Variants in PRKN observed in about 807,000 individuals in gnomAD.
PRKN encodes E3 ubiquitin-protein ligase parkin.
In PRKN, 56 loss-of-function variants were observed where a neutral mutation model predicts 59.5. The observed-to-expected ratio is 0.94, with a 90% CI of 0.76 to 1.18. The LOEUF (loss-of-function observed/expected upper bound fraction) is 1.18. Ranked by LOEUF, PRKN falls within the 50% of genes most tolerant of loss-of-function variation. The pLI is 0.00. For synonymous variants in PRKN, 250 were observed against 222.1 expected, an observed-to-expected ratio of 1.13 and a Z score of -1.12; for missense variants, 657 against 596.4, an observed-to-expected ratio of 1.10 and a Z score of -1.06.
chr6:162,568,365 C>T (rs941360730), intron 1 of PRKN: 4 of 410,170 alleles, frequency 9.8e-6, no homozygotes, highest in Admixed American at 7.0e-5. Context: ...CTTGCCTCTA[C>T]TCCTGCCTCC....
intron 9 of PRKN, among the ~76,000 whole-genome samples, chr6:161,508,007 T>C (rs7769885): frequency 0.081 from 12,317 of 152,250 alleles, 728 homozygotes; most frequent in African/African-American, 0.16. Context: ...TTTTTGGTAG[T>C]GAAGTTTCTG....
chr6:161,545,135 C>T lies in PRKN; in HGVS notation c.1083+3719G>A, dbSNP rs541596734. 31 of 1,278,658 alleles carry T rather than the reference C, an allele frequency of 2.4e-5. No individual in the cohort carries two copies. The Admixed American group carries it at 3.1e-4, about 13-fold the overall frequency. 79.2% of individuals were successfully genotyped at this position (1,278,658 alleles called of 1,614,324 possible). The stretch of plus-strand genomic sequence containing the variant: ...GAATTTGGTTTTCAACTTTTTTATA[C>T]GCGATTTTTTTTGTAACAGCTAACA... On this transcript the variant is annotated intron_variant, in intron 9 of 11. Transcript: ENST00000366898. The surrounding 1 kb of genome is among the most constrained non-coding windows in gnomAD (Gnocchi z 4.1).
intron 2 of PRKN, among the ~76,000 whole-genome samples, chr6:162,377,817 C>T (rs573688227): frequency 1.3e-5 from 2 of 152,294 alleles, no homozygotes; most frequent in South Asian, 4.1e-4. Context: ...TTAGAGTTGA[C>T]CATTGGAGCT....
chr6:161,431,359 T>C (rs1423773232), intron 9 of PRKN, among the ~76,000 whole-genome samples: 1 of 152,046 alleles, frequency 6.6e-6, no homozygotes, highest in Non-Finnish European at 1.5e-5. Flanking sequence ...TTAAATTTAA[T>C]ACTAGATCAA....
At chr6:162,197,215 G>A (rs575949183) in intron 4 of PRKN, among the ~76,000 whole-genome samples, 7 of 152,216 alleles carry the variant, frequency 4.6e-5, no homozygotes, top group Admixed American at 4.6e-4. Context: ...TTTACACTTG[G>A]CAAAGTTTAG....
chr6:162,668,232 G>C lies in PRKN; in HGVS notation c.7+59430C>G, dbSNP rs564877429. Among the ~76,000 whole-genome samples the C allele has an allele frequency of 6.6e-5, 10 of 152,270 alleles. No homozygotes were observed. In the South Asian group the frequency reaches 1.9e-3, roughly 28 times the overall value. ...TTTAGAAAATGAAAAGCTCATAATT[G>C]TAAGATTAAAATATGAAACTTTATT... On this transcript the variant is annotated intron_variant, in intron 1 of 11. Coordinates refer to ENST00000366898, the MANE Select transcript of PRKN (RefSeq NM_004562.3).
At chr6:161,403,680 T>A (rs544105691) in intron 9 of PRKN, among the ~76,000 whole-genome samples, 1 of 152,190 alleles carries the variant, frequency 6.6e-6, no homozygotes, top group African/African-American at 2.4e-5. Context: ...TTTGCCTAGA[T>A]GACTTGGAAT....
At chr6:161,603,509 T>A (rs1782176396) in intron 7 of PRKN, among the ~76,000 whole-genome samples, 1 of 152,204 alleles carries the variant, frequency 6.6e-6, no homozygotes, top group South Asian at 2.1e-4. Flanking sequence ...AATCACTGTT[T>A]GCGCACATAA....
At chr6:161,858,858 CT>C (rs71544920) in intron 6 of PRKN, among the ~76,000 whole-genome samples, 982 of 71,936 alleles carry the variant, frequency 0.014, 27 homozygotes, top group Non-Finnish European at 0.017. Context: ...CACAGCTGTA[CT>C]TTTTTTTTTT....
intron 6 of PRKN, among the ~76,000 whole-genome samples, chr6:161,931,262 CCT>C (rs1299061631): frequency 6.6e-6 from 1 of 151,974 alleles, no homozygotes; most frequent in African/African-American, 2.4e-5. Context: ...ATGGCGAAAC[CCT>C]GTCTCTACTA....
At chr6:162,712,418 C>T (rs1778571238) in intron 1 of PRKN, among the ~76,000 whole-genome samples, 1 of 152,200 alleles carries the variant, frequency 6.6e-6, no homozygotes, top group Admixed American at 6.5e-5. Flanking sequence ...TCCCTAAGCT[C>T]AGCAGTCATC....
At chr6:162,183,877 G>T (rs1954945) in intron 4 of PRKN, among the ~76,000 whole-genome samples, 133,462 of 152,148 alleles carry the variant, frequency 0.88, 59,836 homozygotes, top group Non-Finnish European at 0.98. Context: ...ACACTTACTA[G>T]TTCTAAAAAT....
intron 8 of PRKN, among the ~76,000 whole-genome samples, chr6:161,568,642 C>G (rs73593473): frequency 0.062 from 9,450 of 152,094 alleles, 362 homozygotes; most frequent in African/African-American, 0.094. Flanking sequence ...GGTCAATCAG[C>G]CTTTTGCCAA....
At chr6:162,569,085 T>A in intron 1 of PRKN, 2 of 668,364 alleles carry the variant, frequency 3.0e-6, no homozygotes, top group Non-Finnish European at 5.5e-6. Flanking sequence ...ATGGACAGCA[T>A]CATTGCTGAG....
At chr6:162,310,882 A>C (rs1318878697) in intron 2 of PRKN, among the ~76,000 whole-genome samples, 1 of 152,116 alleles carries the variant, frequency 6.6e-6, no homozygotes, top group Non-Finnish European at 1.5e-5. Context: ...AATTTGAAAC[A>C]ACCACAGCAA....
At chr6:162,087,893 A>G (rs1038482591) in intron 4 of PRKN, among the ~76,000 whole-genome samples, 2 of 152,132 alleles carry the variant, frequency 1.3e-5, no homozygotes, top group African/African-American at 4.8e-5. Flanking sequence ...CGCCCGGCCA[A>G]TAATTTCTAA....
rs1459388536 is a variant in PRKN at position 161,405,061 on chromosome 6, C to A, written c.1084-18184G>T. On this transcript the variant is annotated intron_variant, in intron 9 of 11. Coordinates refer to ENST00000366898, the MANE Select transcript of PRKN (RefSeq NM_004562.3). This position sits in a 1 kb window ranked among gnomAD's most constrained non-coding sequence, Gnocchi z 5.1. ...GAAGATAGACTAAATGATAACATTGCTTCCCACCTTCTCCTCCAGCTCTGA... is the reference window on the plus strand; with the variant it reads ...GAAGATAGACTAAATGATAACATTGATTCCCACCTTCTCCTCCAGCTCTGA... Among the ~76,000 whole-genome samples, 3 of 152,136 alleles carry A rather than the reference C, an allele frequency of 2.0e-5. No homozygotes were observed. The highest frequency in any genetic ancestry group is 7.2e-5 in the African/African-American group (3 of 41,418).
chr6:161,744,989 C>A (rs554795232), intron 7 of PRKN, among the ~76,000 whole-genome samples: 10 of 152,242 alleles, frequency 6.6e-5, no homozygotes, highest in Admixed American at 2.0e-4. Context: ...GATGAGAAAG[C>A]AGAGGTACAG....
At chr6:162,316,826 CAT>C (rs1782772942) in intron 2 of PRKN, among the ~76,000 whole-genome samples, 1 of 152,004 alleles carries the variant, frequency 6.6e-6, no homozygotes, top group Non-Finnish European at 1.5e-5. Context: ...TGAAATAAGA[CAT>C]ATTTATATGA....
Sources: gnomAD v4.1 joint callset for allele counts (sites outside exome capture counted in the v4.1 genomes callset) on GRCh38, gnomAD v4.1.1 for gene constraint, Gnocchi (gnomAD v3.1) non-coding constraint, MANE v1.5 for transcripts, NCBI Gene and HGNC (gene_info 2026-07-23, HGNC 2026-07-21) for gene names.